The following DCAF16 variants were observed in gnomAD, a reference collection of about 807,000 sequenced individuals.
DCAF16 encodes the protein DDB1 and CUL4 associated factor 16.
A neutral mutation model predicts 17.3 loss-of-function variants in DCAF16; 10 were observed. The observed-to-expected ratio is 0.58, with a 90% confidence interval of 0.36 to 0.98. The LOEUF (loss-of-function observed/expected upper bound fraction) is 0.98. Among genes scored for constraint, DCAF16 ranks in the 50% least tolerant of loss-of-function variants. The pLI is 0.01. For missense variants in DCAF16, 249 were observed against 247.6 expected, an observed-to-expected ratio of 1.01 and a Z score of -0.04; for synonymous variants, 111 against 92.8, an observed-to-expected ratio of 1.20 and a Z score of -1.12.
rs1217810296 is a variant in DCAF16, at chr4:17,804,380, T to C, written c.-239A>G. 5.7e-6 allele frequency: 3 copies of C among 530,170 alleles called. No homozygotes were observed. The highest frequency in any genetic ancestry group is 1.0e-5 in the Non-Finnish European group (3 of 288,124). 32.8% of individuals were successfully genotyped at this position (530,170 alleles called of 1,614,324 possible). ...ATCTCAGTTTCCAGGACCAGTTCAG[T>C]GTGTAAAAGTATTAGTCACTTACCA... On this transcript the variant is annotated 5_prime_UTR_variant, in exon 3 of 3. Coordinates refer to ENST00000382247, the MANE Select transcript of DCAF16 (RefSeq NM_017741.4).
chr4:17,809,219 A>C (rs1720622380), intron 1 of DCAF16, among the ~76,000 whole-genome samples: 1 of 152,194 alleles, frequency 6.6e-6, no homozygotes. Flanking sequence ...TAGTTTCCTC[A>C]TCTTAAAAGA....
chr4:17,797,400 C>A (rs1218397847), downstream of DCAF16, among the ~76,000 whole-genome samples: 1 of 152,124 alleles, frequency 6.6e-6, no homozygotes, highest in Non-Finnish European at 1.5e-5. Context: ...GGCAACCCAA[C>A]CCATTTAAAG....
chr4:17,803,799 G>T lies in DCAF16; in HGVS notation c.343C>A (p.Pro115Thr), dbSNP rs1720031746. 2.5e-6 allele frequency: 4 copies of T among 1,614,084 alleles called. No individual in the cohort carries two copies. Among genetic ancestry groups the T allele is most frequent in the Admixed American group, 1.7e-5 (1 of 60,006 alleles). ...PKLEPIPEWP[P>T]LASCGVPPFQ... ...GGTGGGACTCCACAAGAGGCCAGAG[G>T]GGGCCATTCAGGAATTGGTTCCAGT... Residue 115 changes from proline (P) to threonine (T), a missense_variant, in exon 3 of 3, where the codon CCT (proline) becomes ACT (threonine). Physicochemically the swap from Pro to Thr is conservative, Grantham distance 38. Transcript: ENST00000382247.
At chr4:17,799,515 AG>A (rs1246697012), downstream of DCAF16, among the ~76,000 whole-genome samples, 55 of 152,254 alleles carry the variant, frequency 3.6e-4, 1 homozygote, top group Non-Finnish European at 1.5e-5. Context: ...TAAAACTAAC[AG>A]GCTGCTCCAA....
rs1319931069 is a variant in DCAF16, at chr4:17,804,678, G to C, written c.-537C>G. 5.8e-6 allele frequency: 1 copy of C among 171,312 alleles called. No individual in the cohort carries two copies. Among genetic ancestry groups the C allele is most frequent in the African/African-American group, 2.4e-5 (1 of 41,460 alleles). 10.6% of individuals were successfully genotyped at this position (171,312 alleles called of 1,614,324 possible). On this transcript the variant is annotated 5_prime_UTR_variant, in exon 3 of 3. In the 5' UTR this introduces an upstream ATG that the reference lacks. Transcript: ENST00000382247. ...AAGAACATCTGGTGTATAAGGATCC[G>C]ATGCTTTCCATAGGTGATGCAAATG...
downstream of DCAF16, among the ~76,000 whole-genome samples, chr4:17,799,570 T>C (rs560464612): frequency 2.0e-5 from 3 of 152,352 alleles, no homozygotes; most frequent in South Asian, 2.1e-4. Flanking sequence ...GAAAGCCAGA[T>C]GCAAGCCAAC....
the DCAF16 span, among the ~76,000 whole-genome samples, chr4:17,793,714 A>G: frequency 6.6e-6 from 1 of 152,188 alleles, no homozygotes; most frequent in Non-Finnish European, 1.5e-5. Flanking sequence ...AAAGGGCATA[A>G]GAGAATTTGA....
Position 17,804,061 on chromosome 4 carries a change from C to T in DCAF16, c.81G>A (p.Glu27=). 1 of 1,614,150 alleles carries T rather than the reference C, an allele frequency of 6.2e-7. No homozygotes were observed. The highest frequency in any genetic ancestry group is 8.5e-7 in the Non-Finnish European group (1 of 1,180,014). Reference sequence around the variant, plus strand: ...AGGAATCCCACTCTTCCCCAGAACTCTCATTTAGGTAACTAATATTTTCTT... The same window carrying T: ...AGGAATCCCACTCTTCCCCAGAACTTTCATTTAGGTAACTAATATTTTCTT... ...EEEENISYLN[E]SSGEEWDSSE... Residue 27 remains glutamate, a synonymous_variant, in exon 3 of 3, where the codon GAG becomes GAA. Coordinates refer to ENST00000382247, the MANE Select transcript of DCAF16 (RefSeq NM_017741.4).
chr4:17,807,723 A>G (rs1353541401), intron 1 of DCAF16, among the ~76,000 whole-genome samples: 1 of 152,262 alleles, frequency 6.6e-6, no homozygotes, highest in Non-Finnish European at 1.5e-5. Flanking sequence ...AAGTATATAC[A>G]GCAACATGGG....
intron 1 of DCAF16, among the ~76,000 whole-genome samples, 154 bp downstream of exon 1, chr4:17,810,293 A>G (rs1479666963): frequency 1.3e-5 from 2 of 152,206 alleles, no homozygotes; most frequent in African/African-American, 4.8e-5. Flanking sequence ...CAGGGCCTAC[A>G]CAGCTGCACA....
At chr4:17,799,442 C>A (rs1373640615), downstream of DCAF16, among the ~76,000 whole-genome samples, 2 of 152,194 alleles carry the variant, frequency 1.3e-5, no homozygotes, top group African/African-American at 2.4e-5. Flanking sequence ...AGTGTCTGCA[C>A]TAGAGTAGGC....
rs1289013074 is a variant in DCAF16, at chr4:17,802,425, T to C, written c.*1066A>G. 6.6e-6 allele frequency: 1 copy of C among 152,172 alleles called. No homozygotes were observed. The highest frequency in any genetic ancestry group is 2.4e-5 in the African/African-American group (1 of 41,436). 9.4% of individuals were successfully genotyped at this position (152,172 alleles called of 1,614,324 possible). A position where few individuals can be genotyped will look rare whatever the true frequency, so the allele number is the denominator to read the frequency against. The stretch of plus-strand genomic sequence containing the variant: ...GGGAGACTCCGATATAGAACGTTCA[T>C]GCTGTAATTTTAAGTACCATAATAA... On this transcript the variant is annotated 3_prime_UTR_variant, in exon 3 of 3. Transcript: ENST00000382247.
chr4:17,808,262 G>A (rs561969457), intron 1 of DCAF16, among the ~76,000 whole-genome samples: 1 of 152,218 alleles, frequency 6.6e-6, no homozygotes, highest in Admixed American at 6.5e-5. Context: ...ATTCTTTGTC[G>A]TGGACCGTAA....
chr4:17,796,155 A>G (rs1186473067), downstream of DCAF16, among the ~76,000 whole-genome samples: 1 of 152,196 alleles, frequency 6.6e-6, no homozygotes, highest in Non-Finnish European at 1.5e-5. Flanking sequence ...TGCCTACAAA[A>G]GAAGAGCAAA....
chr4:17,809,271 G>C (rs1367410630), intron 1 of DCAF16, among the ~76,000 whole-genome samples: 2 of 152,124 alleles, frequency 1.3e-5, no homozygotes, highest in African/African-American at 4.8e-5. Context: ...AGTAAACGAA[G>C]TAAAGTGCTT....
intron 1 of DCAF16, among the ~76,000 whole-genome samples, chr4:17,807,913 G>A (rs1190392843): frequency 6.6e-6 from 1 of 151,602 alleles, no homozygotes. Context: ...CCTCTAATGA[G>A]TATTTCTCTG....
downstream of DCAF16, among the ~76,000 whole-genome samples, chr4:17,798,021 T>C (rs1277817908): frequency 1.3e-5 from 2 of 152,218 alleles, no homozygotes; most frequent in South Asian, 2.1e-4. Context: ...TGTTGCTAAT[T>C]TGAGAAACTA....
rs987335071 is a variant in DCAF16, at chr4:17,802,371, T to C, written c.*1120A>G. ...TGTTTAATCCCAAGGGATGATCTTATAGGCTGATTTAGTCAGAGACAGCCT... is the reference window on the plus strand; with the variant it reads ...TGTTTAATCCCAAGGGATGATCTTACAGGCTGATTTAGTCAGAGACAGCCT... On this transcript the variant is annotated 3_prime_UTR_variant, in exon 3 of 3. Coordinates refer to ENST00000382247, the MANE Select transcript of DCAF16 (RefSeq NM_017741.4). 6.6e-6 allele frequency: 1 copy of C among 152,504 alleles called. No individual in the cohort carries two copies. The highest frequency in any genetic ancestry group is 6.5e-5 in the Admixed American group (1 of 15,268). 9.4% of individuals were successfully genotyped at this position (152,504 alleles called of 1,614,324 possible).
chr4:17,807,670 T>C (rs114672304), intron 1 of DCAF16, among the ~76,000 whole-genome samples: 1 of 152,360 alleles, frequency 6.6e-6, no homozygotes, highest in Non-Finnish European at 1.5e-5. Flanking sequence ...TCTAGGTTCC[T>C]ATCGCTGGAG....
Sources: allele counts gnomAD v4.1 joint callset (sites outside exome capture counted in the v4.1 genomes callset), GRCh38; gene constraint gnomAD v4.1.1; transcripts MANE v1.5; gene names NCBI Gene and HGNC (gene_info 2026-07-23, HGNC 2026-07-21).